SPOCK3: variants seen among roughly 807,000 people sequenced by gnomAD.
The protein encoded by SPOCK3 is SPARC (osteonectin), cwcv and kazal like domains proteoglycan 3.
Under a neutral mutation model 56.6 loss-of-function variants are expected in SPOCK3, and 30 were observed. The observed-to-expected ratio is 0.53, with a 90% CI of 0.40 to 0.72. The LOEUF is 0.72. Among genes scored for constraint, SPOCK3 ranks in the 30% least tolerant of loss-of-function variants. The pLI is 0.00. For synonymous variants in SPOCK3, 196 were observed against 183.3 expected, an observed-to-expected ratio of 1.07 and a Z score of -0.56; for missense variants, 527 against 530.0, an observed-to-expected ratio of 0.99 and a Z score of 0.06.
chr4:167,009,689 T>C (rs1448906917), intron 3 of SPOCK3, among the ~76,000 whole-genome samples: 6 of 151,840 alleles, frequency 4.0e-5, no homozygotes, highest in Admixed American at 3.9e-4. Flanking sequence ...ACACACAAAA[T>C]TGCAAACCAC....
intron 6 of SPOCK3, among the ~76,000 whole-genome samples, chr4:166,816,614 T>C (rs1321590515): frequency 6.6e-6 from 1 of 152,082 alleles, no homozygotes; most frequent in Admixed American, 6.6e-5. Context: ...GAGAGGATAT[T>C]ATATACAAGT....
At chr4:166,861,573 T>A (rs1344195435) in intron 6 of SPOCK3, among the ~76,000 whole-genome samples, 1 of 152,078 alleles carries the variant, frequency 6.6e-6, no homozygotes, top group Non-Finnish European at 1.5e-5. Flanking sequence ...TGAAATAAAT[T>A]TCCTTTGTAG....
At chr4:167,036,285 C>T (rs962321091) in intron 3 of SPOCK3, among the ~76,000 whole-genome samples, 1 of 152,068 alleles carries the variant, frequency 6.6e-6, no homozygotes, top group Admixed American at 6.6e-5. Flanking sequence ...CCCTTATCTG[C>T]GTTTTTTCTC....
intron 3 of SPOCK3, among the ~76,000 whole-genome samples, chr4:167,058,956 A>G (rs1413418471): frequency 1.3e-5 from 2 of 152,210 alleles, no homozygotes; most frequent in African/African-American, 4.8e-5. Flanking sequence ...ATATGTAGAA[A>G]GCTGAAACTG....
In SPOCK3 at chr4:166,951,939, A is replaced by C. The variant is rs1026195097; in HGVS notation, c.351-39196T>G. 9.2e-5 allele frequency among the ~76,000 whole-genome samples: 14 copies of C among 152,318 alleles called. 1 individual carries two copies. The highest frequency in any genetic ancestry group is 3.4e-4 in the African/African-American group (14 of 41,564). On this transcript the variant is annotated intron_variant, in intron 4 of 10. Transcript: ENST00000357545. ...GTATTGATGGGACATATCTCAAAAT[A>C]ATAAGAGCTATCTATGACAAACCCA...
At chr4:166,910,446 C>T (rs1427187026) in intron 5 of SPOCK3, among the ~76,000 whole-genome samples, 1 of 151,962 alleles carries the variant, frequency 6.6e-6, no homozygotes, top group Non-Finnish European at 1.5e-5. Context: ...GTGCCTCACG[C>T]CCAAGGAGAA....
chr4:167,234,661 G>GC (rs1217120634), upstream of SPOCK3: 1 of 172,290 alleles, frequency 5.8e-6, no homozygotes, highest in Non-Finnish European at 1.2e-5. Flanking sequence ...CCCGACCTCC[G>GC]TTTTTTTCCT....
At chr4:167,124,740 G>A (rs1443154133) in intron 2 of SPOCK3, among the ~76,000 whole-genome samples, 1 of 151,928 alleles carries the variant, frequency 6.6e-6, no homozygotes, top group Admixed American at 6.6e-5. Flanking sequence ...TCAGATAGAA[G>A]CCCTCAATTG....
intron 2 of SPOCK3, among the ~76,000 whole-genome samples, chr4:167,136,667 C>G (rs1179689148): frequency 6.6e-6 from 1 of 151,984 alleles, no homozygotes; most frequent in African/African-American, 2.4e-5. Flanking sequence ...TGGAGAGGAC[C>G]TAAATTACAA....
intron 3 of SPOCK3, among the ~76,000 whole-genome samples, chr4:167,056,610 A>G (rs1754898869): frequency 6.6e-6 from 1 of 152,250 alleles, no homozygotes; most frequent in Admixed American, 6.5e-5. Flanking sequence ...TGGAGCTGAA[A>G]GCCAAGGCTC....
At chr4:167,166,618 G>A (rs558237049) in intron 2 of SPOCK3, among the ~76,000 whole-genome samples, 2 of 152,204 alleles carry the variant, frequency 1.3e-5, no homozygotes, top group South Asian at 4.1e-4. Context: ...CTGGGGACTG[G>A]TTAATAGTGT....
chr4:166,965,377 G>T (rs771039476), intron 4 of SPOCK3, among the ~76,000 whole-genome samples: 3 of 148,892 alleles, frequency 2.0e-5, no homozygotes, highest in African/African-American at 5.0e-5. Flanking sequence ...TGCTGGCAAA[G>T]AATTTTCTAT....
chr4:167,057,430 A>C (rs1258417214), intron 3 of SPOCK3, among the ~76,000 whole-genome samples: 2 of 152,146 alleles, frequency 1.3e-5, no homozygotes, highest in African/African-American at 4.8e-5. Flanking sequence ...AAATTCACAC[A>C]TAACAATATT....
In SPOCK3 at chr4:166,783,177, G is replaced by GCTCC. The variant is rs565399985; in HGVS notation, c.709+8992_709+8993insGGAG. 5.6e-4 allele frequency among the ~76,000 whole-genome samples: 85 copies of GCTCC among 152,202 alleles called. 2 individuals carry two copies. Among genetic ancestry groups the GCTCC allele is most frequent in the Admixed American group, 5.4e-3 (83 of 15,268 alleles). ...ATTTCAAGACCAGTCTGGCCAACAT[G>GCTCC]GCAAAACCCTGTCTCTACTGAAAAT... On this transcript the variant is annotated intron_variant, in intron 7 of 10. Coordinates refer to ENST00000357545, the MANE Select transcript of SPOCK3 (RefSeq NM_001040159.2).
chr4:167,140,707 A>G (rs1387176834), intron 2 of SPOCK3, among the ~76,000 whole-genome samples: 5 of 151,960 alleles, frequency 3.3e-5, no homozygotes, highest in Non-Finnish European at 5.9e-5. Flanking sequence ...GTTCACAGTG[A>G]AGCTCCACCC....
intron 2 of SPOCK3, among the ~76,000 whole-genome samples, chr4:167,155,265 C>T (rs1180778305): frequency 5.9e-5 from 9 of 151,750 alleles, no homozygotes; most frequent in South Asian, 2.1e-4. Flanking sequence ...ACAGGCACTC[C>T]GCCACCACGC....
At chr4:166,967,125 A>T (rs1266329204) in intron 4 of SPOCK3, among the ~76,000 whole-genome samples, 2 of 152,072 alleles carry the variant, frequency 1.3e-5, no homozygotes, top group East Asian at 3.9e-4. Context: ...TAGTTCCCTG[A>T]TCTTTATCAA....
chr4:166,926,860 C>T (rs1319585028), intron 4 of SPOCK3, among the ~76,000 whole-genome samples: 3 of 152,062 alleles, frequency 2.0e-5, no homozygotes, highest in Non-Finnish European at 2.9e-5. Context: ...CCACATTGAA[C>T]AAAGTAAAGC....
chr4:166,975,747 A>T (rs1304355668), intron 4 of SPOCK3, among the ~76,000 whole-genome samples: 2 of 152,094 alleles, frequency 1.3e-5, no homozygotes, highest in East Asian at 1.9e-4. Flanking sequence ...GCTCTCACAA[A>T]TCAGTGAGAA....
Sources: allele counts gnomAD v4.1 joint callset (sites outside exome capture counted in the v4.1 genomes callset), GRCh38; gene constraint gnomAD v4.1.1; transcripts MANE v1.5; gene names NCBI Gene and HGNC (gene_info 2026-07-23, HGNC 2026-07-21).